Variants in HYKK observed in about 807,000 individuals in gnomAD.
HYKK encodes the protein 5-hydroxy-L-lysine kinase.
In HYKK, 19 loss-of-function variants were observed where a neutral mutation model predicts 29.7. That is an observed-to-expected ratio of 0.64 (90% confidence interval 0.45 to 0.94). The LOEUF is 0.94. HYKK is among the 40% of genes least tolerant of loss of function. The pLI, the probability that HYKK is intolerant of heterozygous loss-of-function variation, is 0.00. For synonymous variants in HYKK, 152 were observed against 158.1 expected (o/e 0.96, Z 0.29); for missense variants, 390 against 443.4 (o/e 0.88, Z 1.08).
At chr15:78,529,272 T>C (rs1596034579) in intron 4 of HYKK, among the ~76,000 whole-genome samples, 2 of 152,256 alleles carry the variant, frequency 1.3e-5, no homozygotes, top group Admixed American at 1.3e-4. Context: ...CTCTAGAATA[T>C]TGTATTCACT....
chr15:78,536,129 TATA>T lies in HYKK; in HGVS notation c.*2462_*2464del, dbSNP rs1299586987. On this transcript the variant is annotated 3_prime_UTR_variant, in exon 5 of 5. Transcript: ENST00000388988. The stretch of plus-strand genomic sequence containing the variant: ...AACAAACCTGTGTGGGAAGTACTGT[TATA>T]ATTAATCGTCATTTTCAGATAAGAA... The T allele has an allele frequency of 6.6e-6, 1 of 152,232 alleles. No individual in the cohort carries two copies. Among genetic ancestry groups the T allele is most frequent in the Non-Finnish European group, 1.5e-5 (1 of 68,042 alleles). 9.4% of individuals were successfully genotyped at this position (152,232 alleles called of 1,614,324 possible).
At chr15:78,514,789 G>A (rs1567015805) in intron 2 of HYKK, among the ~76,000 whole-genome samples, 179 bp from the exon 3 acceptor site, 1 of 152,000 alleles carries the variant, frequency 6.6e-6, no homozygotes, top group African/African-American at 2.4e-5. Flanking sequence ...CTGCCGAGCT[G>A]TTTTAGGTTA....
chr15:78,531,449 CAT>C (rs1214189205), intron 4 of HYKK, among the ~76,000 whole-genome samples: 1 of 152,100 alleles, frequency 6.6e-6, no homozygotes, highest in East Asian at 1.9e-4. Context: ...GAGTAAAGCA[CAT>C]GTTAAAGTAT....
At chr15:78,537,010 A>G (rs1344234449), downstream of HYKK, among the ~76,000 whole-genome samples, 1 of 152,288 alleles carries the variant, frequency 6.6e-6, no homozygotes, top group African/African-American at 2.4e-5. Context: ...AAACTCCAGG[A>G]CTTAACCAGC....
chr15:78,524,457 T>C (rs1054065830), intron 3 of HYKK, among the ~76,000 whole-genome samples: 1 of 152,212 alleles, frequency 6.6e-6, no homozygotes, highest in Non-Finnish European at 1.5e-5. Flanking sequence ...AAAACCATCT[T>C]GTCCTCCTAA....
At chr15:78,536,894 G>C (rs1430859799), downstream of HYKK, among the ~76,000 whole-genome samples, 1 of 152,108 alleles carries the variant, frequency 6.6e-6, no homozygotes, top group Non-Finnish European at 1.5e-5. Context: ...ATCTGTTGAG[G>C]GCCTGGATAG....
chr15:78,518,915 TAA>T (rs764174063), intron 3 of HYKK: 7 of 88,564 alleles, frequency 7.9e-5, no homozygotes, highest in South Asian at 3.4e-4. Context: ...AGACTCTGTC[TAA>T]AAAAAAAAAA....
At position 78,536,454 on chromosome 15, in the gene HYKK, G is replaced by A. The variant is rs1242069673; in HGVS notation, c.*2784G>A. 6.6e-6 allele frequency: 1 copy of A among 152,164 alleles called. No individual in the cohort carries two copies. The highest frequency in any genetic ancestry group is 2.4e-5 in the African/African-American group (1 of 41,426). The allele number at this position is 152,164 out of a possible 1,614,324, so 9.4% of individuals were successfully genotyped here. On this transcript the variant is annotated 3_prime_UTR_variant, in exon 5 of 5. Transcript: ENST00000388988. ...GTTGACCTCTCAAGCTAAAAACTGG[G>A]AACCAGAATAATGGACTGAAACTTG...
chr15:78,523,467 G>A (rs1191963131), intron 3 of HYKK, among the ~76,000 whole-genome samples: 2 of 152,118 alleles, frequency 1.3e-5, no homozygotes, highest in African/African-American at 4.8e-5. Flanking sequence ...CCAATACTGG[G>A]GATTACAGTT....
Position 78,515,231 on chromosome 15 carries a change from G to C in HYKK, c.477+124G>C, listed in dbSNP as rs1411784501. On this transcript the variant is annotated intron_variant, in intron 3 of 4. Transcript: ENST00000388988. ...TGCTACCTAAGGTATGTTATGAAGG[G>C]AATGGAGTCCTAGAGTGCATACATT... is the stretch of plus-strand genomic sequence containing the variant. 9.4e-6 allele frequency: 6 copies of C among 640,106 alleles called. No individual in the cohort carries two copies. In the East Asian group the frequency reaches 2.1e-4, roughly 22 times the overall value. 39.7% of individuals were successfully genotyped at this position (640,106 alleles called of 1,614,324 possible). A position where few individuals can be genotyped will look rare whatever the true frequency, so the allele number is the denominator to read the frequency against.
chr15:78,512,807 A>G (rs1376054294), intron 1 of HYKK, among the ~76,000 whole-genome samples: 1 of 152,218 alleles, frequency 6.6e-6, no homozygotes, highest in Non-Finnish European at 1.5e-5. Flanking sequence ...GGAGGAGGGA[A>G]TGGACGAAGT....
chr15:78,515,902 A>T (rs1044620967), intron 3 of HYKK, among the ~76,000 whole-genome samples: 10 of 152,136 alleles, frequency 6.6e-5, no homozygotes, highest in Non-Finnish European at 8.8e-5. Flanking sequence ...AATTTTTTTT[A>T]AATTAAAAAA....
At position 78,515,098 on chromosome 15, in the gene HYKK, G is replaced by A; in HGVS notation, c.468G>A (p.Lys156=). 2 of 1,580,466 alleles carry A rather than the reference G, an allele frequency of 1.3e-6. No homozygotes were observed. The highest frequency in any genetic ancestry group is 1.7e-6 in the Non-Finnish European group (2 of 1,165,196). ...EIGKLAAKLD[K]TLQRFHHPKL... ...GAAAACTAGCTGCCAAATTGGATAA[G>A]ACACTGCAGGTAAGATTTGGGGCTT... Residue 156 remains lysine (K), a synonymous_variant, in exon 3 of 5, where the codon AAG becomes AAA. Coordinates refer to ENST00000388988, the MANE Select transcript of HYKK (RefSeq NM_001013619.4).
chr15:78,527,779 C>A, intron 4 of HYKK: 1 of 1,279,336 alleles, frequency 7.8e-7, no homozygotes, highest in Non-Finnish European at 9.9e-7. Flanking sequence ...TCTCTTCTTC[C>A]CATTAAATTT....
intron 2 of HYKK, among the ~76,000 whole-genome samples, chr15:78,513,768 G>A (rs556064532): frequency 1.3e-5 from 2 of 152,110 alleles, no homozygotes; most frequent in African/African-American, 4.8e-5. Flanking sequence ...TGTTTGTTTT[G>A]TTGGTGGTTT....
At position 78,513,208 on chromosome 15, in the gene HYKK, T is replaced by TC. The variant is rs755949068; in HGVS notation, c.122dup (p.Ser42Ter). 1.4e-4 allele frequency: 219 copies of TC among 1,614,054 alleles called. No homozygotes were observed. The highest frequency in any genetic ancestry group is 1.7e-4 in the Non-Finnish European group (206 of 1,180,030). On this transcript the variant is annotated frameshift_variant, in exon 2 of 5. Transcript: ENST00000388988. LOFTEE classifies it high-confidence loss of function. ...TGAAAGTTTCCAAGGTCCGGCCACT[T>TC]CCTAGCTATGATGACCAAAACTTTC... is the stretch of plus-strand genomic sequence containing the variant.
chr15:78,526,774 G>A lies in HYKK; in HGVS notation c.478-606G>A, dbSNP rs574255252. 3.5e-4 allele frequency among the ~76,000 whole-genome samples: 54 copies of A among 152,326 alleles called. 1 individual carries two copies. In the South Asian group the frequency reaches 0.011, roughly 30 times the overall value. On this transcript the variant is annotated intron_variant, in intron 3 of 4. Transcript: ENST00000388988. ...TAATTATGAGGATCAAGTGAGCTGG[G>A]AATGTGCTCCCCAAACTGAGAGATC...
In HYKK at chr15:78,527,472, C is replaced by T; in HGVS notation, c.570C>T (p.Ala190=). ...NVPLLEKYLY[A]LGQNRNREIV... ...CTCTTCTGGAGAAATACCTGTATGC[C>T]CTGGGCCAGAATCGAAACCGAGAGA... The change falls in exon 4 of 5, where the codon GCC becomes GCT. Residue 190 remains alanine (A), a synonymous_variant. Transcript: ENST00000388988. 1 of 1,613,996 alleles carries T rather than the reference C, an allele frequency of 6.2e-7. No homozygotes were observed. Among genetic ancestry groups the T allele is most frequent in the East Asian group, 2.2e-5 (1 of 44,878 alleles).
In HYKK at chr15:78,513,116, G is replaced by C. The variant is rs1258339610; in HGVS notation, c.28G>C (p.Glu10Gln). 1 of 1,613,050 alleles carries C rather than the reference G, an allele frequency of 6.2e-7. No homozygotes were observed. Among genetic ancestry groups the C allele is most frequent in the African/African-American group, 1.3e-5 (1 of 74,868 alleles). The change falls in exon 2 of 5, where the codon GAG becomes CAG. Residue 10 changes from glutamate to glutamine, a missense_variant. Physicochemically the swap from Glu to Gln is conservative, Grantham distance 29. Transcript: ENST00000388988. ...GTCAAGTGGAAACTATCAGCAGTCAGAGGCTCTTAGCAAACCCACTTTCAG... is the reference window on the plus strand; with the variant it reads ...GTCAAGTGGAAACTATCAGCAGTCACAGGCTCTTAGCAAACCCACTTTCAG... MSSGNYQQS[E>Q]ALSKPTFSEE...
Sources: allele counts gnomAD v4.1 joint callset (sites outside exome capture counted in the v4.1 genomes callset), GRCh38; gene constraint gnomAD v4.1.1; transcripts MANE v1.5; gene names NCBI Gene and HGNC (gene_info 2026-07-23, HGNC 2026-07-21).